ROR1: variants seen among roughly 807,000 people sequenced by gnomAD.
ROR1 encodes inactive tyrosine-protein kinase transmembrane receptor ROR1.
A neutral mutation model predicts 78.8 loss-of-function variants in ROR1; 19 were observed. That is an observed-to-expected ratio of 0.24 (90% confidence interval 0.17 to 0.35). The LOEUF (loss-of-function observed/expected upper bound fraction) is 0.35. Among genes scored for constraint, ROR1 ranks in the 10% least tolerant of loss-of-function variants. The probability of loss-of-function intolerance (pLI) is 1.00; values close to 1 mark genes in which losing one functional copy is unlikely to be tolerated. For synonymous variants in ROR1, 386 were observed against 433.6 expected (o/e 0.89, Z 1.36); for missense variants, 917 against 1,177.8 (o/e 0.78, Z 3.24).
At chr1:63,802,201 A>G (rs1240368859) in intron 1 of ROR1, among the ~76,000 whole-genome samples, 3 of 152,200 alleles carry the variant, frequency 2.0e-5, no homozygotes, top group Admixed American at 6.5e-5. Context: ...CTGAAACTGT[A>G]TAACAAGCTT....
intron 1 of ROR1, among the ~76,000 whole-genome samples, chr1:63,813,089 A>C (rs1399291434): frequency 6.6e-6 from 1 of 152,240 alleles, no homozygotes; most frequent in Non-Finnish European, 1.5e-5. Flanking sequence ...TTGGTTATCA[A>C]ATCTTTTAAA....
intron 2 of ROR1, among the ~76,000 whole-genome samples, chr1:64,023,570 A>G (rs142512375): frequency 5.7e-4 from 87 of 152,342 alleles, no homozygotes; most frequent in African/African-American, 1.9e-3. Context: ...AGCTCTTGCA[A>G]TATCTAAACA....
chr1:64,177,624 C>G lies in ROR1; in HGVS notation c.1583C>G (p.Ala528Gly), dbSNP rs1650420808. Residue 528 changes from alanine to glycine, a missense_variant, in exon 9 of 9, where the codon GCA becomes GGA. This residue lies in a region of ROR1 where 835 missense variants were observed against 1,069.8 expected (regional missense o/e 0.78). Transcript: ENST00000371079. ...TTTCAACAAGAAGCCTCCCTAATGG[C>G]AGAACTGCACCACCCCAATATTGTC... ...TEFQQEASLM[A>G]ELHHPNIVCL... is the part of the protein sequence containing the mutation. 6.2e-7 allele frequency: 1 copy of G among 1,614,098 alleles called. No individual in the cohort carries two copies. The highest frequency in any genetic ancestry group is 1.3e-5 in the African/African-American group (1 of 74,952).
chr1:64,127,490 G>GTC (rs963357905), intron 4 of ROR1, among the ~76,000 whole-genome samples: 56 of 141,978 alleles, frequency 3.9e-4, no homozygotes, highest in Non-Finnish European at 5.7e-4. Flanking sequence ...TCCTCTCTCT[G>GTC]TCTCTCTCTC....
At chr1:63,838,026 A>G (rs555761188) in intron 1 of ROR1, among the ~76,000 whole-genome samples, 28 of 152,108 alleles carry the variant, frequency 1.8e-4, no homozygotes, top group Middle Eastern at 3.4e-3. Flanking sequence ...ACAGTGTATT[A>G]CTCATGTGTT....
chr1:63,909,066 C>A (rs145033239), intron 1 of ROR1, among the ~76,000 whole-genome samples: 79 of 152,264 alleles, frequency 5.2e-4, no homozygotes, highest in African/African-American at 1.9e-3. Context: ...AGCAAACAGG[C>A]ACTTTTTTGT....
At chr1:64,101,233 G>A (rs780024925) in intron 4 of ROR1, among the ~76,000 whole-genome samples, 12 of 152,202 alleles carry the variant, frequency 7.9e-5, no homozygotes, top group African/African-American at 1.7e-4. Flanking sequence ...GGACATCAAG[G>A]GACTCCATGC....
intron 1 of ROR1, among the ~76,000 whole-genome samples, chr1:63,998,326 A>G (rs1392854633): frequency 6.6e-6 from 1 of 151,560 alleles, no homozygotes; most frequent in African/African-American, 2.4e-5. Flanking sequence ...ACTGAGTATC[A>G]TTGAATTAGG....
intron 1 of ROR1, among the ~76,000 whole-genome samples, chr1:63,864,015 T>C (rs537157411): frequency 2.6e-5 from 4 of 152,166 alleles, no homozygotes; most frequent in Admixed American, 6.5e-5. Flanking sequence ...TAATAGCAGC[T>C]AGCATTTATT....
At chr1:64,043,025 C>A (rs1646756468) in intron 2 of ROR1, among the ~76,000 whole-genome samples, 1 of 152,174 alleles carries the variant, frequency 6.6e-6, no homozygotes. Flanking sequence ...CTTTTGATAC[C>A]AAGACCCAGG....
intron 2 of ROR1, among the ~76,000 whole-genome samples, chr1:64,042,716 C>T (rs760289473): frequency 1.2e-4 from 18 of 152,164 alleles, no homozygotes; most frequent in Non-Finnish European, 2.5e-4. Flanking sequence ...TTAAACTCAG[C>T]TTGTGGCTTG....
intron 4 of ROR1, among the ~76,000 whole-genome samples, chr1:64,119,116 T>C (rs929811564): frequency 1.3e-5 from 2 of 152,184 alleles, no homozygotes; most frequent in Non-Finnish European, 2.9e-5. Context: ...CAATTAATTT[T>C]TTTCACACAT....
chr1:63,807,792 A>G (rs924325125), intron 1 of ROR1, among the ~76,000 whole-genome samples: 4 of 152,108 alleles, frequency 2.6e-5, no homozygotes, highest in African/African-American at 9.7e-5. Flanking sequence ...TGGCATCAGT[A>G]TTTGGTAAAT....
At chr1:64,071,930 A>G (rs1167506622) in intron 4 of ROR1, among the ~76,000 whole-genome samples, 2 of 152,278 alleles carry the variant, frequency 1.3e-5, no homozygotes, top group African/African-American at 4.8e-5. Flanking sequence ...TCAGCCTGAA[A>G]GGGATTCCCT....
rs72683071 is a variant in ROR1, at chr1:63,902,359, C to T, written c.92-106946C>T. On this transcript the variant is annotated intron_variant, in intron 1 of 8. Transcript: ENST00000371079. ...TCTTTTAAGAGTCTTGCTCTGTTGC[C>T]CAGGCAGGAGGGCAGTGGCTTAATC... Among the ~76,000 whole-genome samples the T allele has an allele frequency of 6.6e-3, 1,005 of 151,756 alleles. 6 individuals carry two copies. Among genetic ancestry groups the T allele is most frequent in the South Asian group, 0.024 (114 of 4,794 alleles).
At chr1:63,982,422 A>G (rs1431994617) in intron 1 of ROR1, among the ~76,000 whole-genome samples, 1 of 152,228 alleles carries the variant, frequency 6.6e-6, no homozygotes, top group African/African-American at 2.4e-5. Flanking sequence ...GCCTACAAAA[A>G]CACTGCTCAA....
intron 1 of ROR1, among the ~76,000 whole-genome samples, chr1:63,869,247 G>A (rs1346441867): frequency 6.6e-6 from 1 of 152,162 alleles, no homozygotes; most frequent in African/African-American, 2.4e-5. Context: ...AATGATTATG[G>A]CAGTTGTTAC....
chr1:64,063,402 A>G (rs1646932431), intron 4 of ROR1, among the ~76,000 whole-genome samples: 1 of 152,190 alleles, frequency 6.6e-6, no homozygotes, highest in Admixed American at 6.5e-5. Flanking sequence ...AGTTGCCTTC[A>G]GCCCAAAATA....
chr1:64,085,495 C>T lies in ROR1; in HGVS notation c.482+34779C>T, dbSNP rs149830220. 1.3e-4 allele frequency among the ~76,000 whole-genome samples: 20 copies of T among 152,272 alleles called. 1 individual carries two copies. Among genetic ancestry groups the T allele is most frequent in the African/African-American group, 4.6e-4 (19 of 41,556 alleles). Reference sequence around the variant, plus strand: ...GTTGCCCAGCTTTCCATATTCCCAACATGGCCAGAGGTTTCATTCTTTGAG... The same window carrying T: ...GTTGCCCAGCTTTCCATATTCCCAATATGGCCAGAGGTTTCATTCTTTGAG... On this transcript the variant is annotated intron_variant, in intron 4 of 8. Transcript: ENST00000371079.
Sources: allele counts gnomAD v4.1 joint callset (sites outside exome capture counted in the v4.1 genomes callset), GRCh38; gene constraint gnomAD v4.1.1; regional missense constraint gnomAD v4.1.1; transcripts MANE v1.5; gene names NCBI Gene and HGNC (gene_info 2026-07-23, HGNC 2026-07-21).